DSN1: variants seen among roughly 807,000 people sequenced by gnomAD.
DSN1 encodes the protein DSN1 component of MIS12 kinetochore complex, also known as kinetochore-associated protein DSN1 homolog.
DSN1 carries 31 observed loss-of-function variants against 45.7 expected under a neutral mutation model. That is an observed-to-expected ratio of 0.68 (90% CI 0.51 to 0.92). The LOEUF is 0.92. DSN1 is among the 40% of genes least tolerant of loss of function. The pLI is 0.00. For missense variants in DSN1, 394 were observed against 414.2 expected (o/e 0.95, Z 0.42); for synonymous variants, 134 against 142.3 (o/e 0.94, Z 0.41).
chr20:36,762,787 C>T (rs540173909), intron 5 of DSN1, among the ~76,000 whole-genome samples: 8 of 152,012 alleles, frequency 5.3e-5, no homozygotes, highest in Admixed American at 2.6e-4. Flanking sequence ...ACTCTCGCTC[C>T]GTCACCTAGG....
intron 6 of DSN1, among the ~76,000 whole-genome samples, chr20:36,761,123 A>G (rs1986956741): frequency 6.6e-6 from 1 of 152,038 alleles, no homozygotes; most frequent in African/African-American, 2.4e-5. Flanking sequence ...AATATTCAAG[A>G]GCCATGTTCT....
chr20:36,753,635 C>CA (rs1290145844), intron 10 of DSN1, among the ~76,000 whole-genome samples: 1,371 of 49,128 alleles, frequency 0.028, 22 homozygotes, highest in African/African-American at 0.067. Context: ...GAGACTGTCT[C>CA]AAAAAAAAAA....
chr20:36,757,333 G>A (rs984603307), intron 8 of DSN1, among the ~76,000 whole-genome samples: 1 of 151,636 alleles, frequency 6.6e-6, no homozygotes, highest in Non-Finnish European at 1.5e-5. Context: ...TCCAGCCTGG[G>A]CGACAGAGCA....
intron 2 of DSN1, 66 bp from the exon 3 acceptor site, chr20:36,771,259 G>T: frequency 6.5e-7 from 1 of 1,537,274 alleles, no homozygotes; most frequent in South Asian, 1.3e-5. Context: ...GTGCAAAAAA[G>T]TGGAAAAAGT....
At chr20:36,756,746 C>A (rs1397540528) in intron 8 of DSN1, among the ~76,000 whole-genome samples, 1 of 152,180 alleles carries the variant, frequency 6.6e-6, no homozygotes, top group Non-Finnish European at 1.5e-5. Context: ...CAGTTAGAGT[C>A]TGAACAGACA....
chr20:36,763,781 G>T (rs1601015605), intron 5 of DSN1, among the ~76,000 whole-genome samples: 1 of 150,184 alleles, frequency 6.7e-6, no homozygotes, highest in African/African-American at 2.5e-5. Flanking sequence ...CAGCTACTCA[G>T]GAGGCTGAGG....
intron 6 of DSN1, among the ~76,000 whole-genome samples, chr20:36,762,168 G>A (rs1300377640): frequency 7.0e-6 from 1 of 142,304 alleles, no homozygotes; most frequent in African/African-American, 2.7e-5. Context: ...GTGCAGGGGC[G>A]CGATCTTGGC....
intron 5 of DSN1, among the ~76,000 whole-genome samples, chr20:36,765,781 G>A (rs1346327551): frequency 7.0e-6 from 1 of 141,888 alleles, no homozygotes; most frequent in African/African-American, 2.6e-5. Flanking sequence ...CTGGGCGACA[G>A]AGCGAGAGTC....
Position 36,766,841 on chromosome 20 carries a change from A to T in DSN1, c.430T>A (p.Phe144Ile). The change falls in exon 5 of 11, where the codon TTC (phenylalanine) becomes ATC (isoleucine). Residue 144 changes from phenylalanine (F) to isoleucine (I), a missense_variant and splice_region_variant. By Grantham distance (21) the Phe-to-Ile change is conservative. Transcript: ENST00000373750. ...AAAGGTTCAAGTTTCTGAATAGAGAACTAAATAAAGAAAAGCATTTTTAGT... is the reference window on the plus strand; with the variant it reads ...AAAGGTTCAAGTTTCTGAATAGAGATCTAAATAAAGAAAAGCATTTTTAGT... ...LGCLLLSSFQFSIQKLEPFLR... is the reference protein window; with the variant it reads ...LGCLLLSSFQISIQKLEPFLR... The T allele has an allele frequency of 6.3e-7, 1 of 1,594,672 alleles. No homozygotes were observed.
chr20:36,771,364 G>C, intron 2 of DSN1, 61 bp downstream of exon 2: 2 of 1,558,168 alleles, frequency 1.3e-6, no homozygotes, highest in Non-Finnish European at 1.8e-6. Flanking sequence ...GGAAAGATTT[G>C]GGTATAGCTC....
chr20:36,772,531 C>T (rs770024295), intron 1 of DSN1, among the ~76,000 whole-genome samples: 6 of 152,110 alleles, frequency 3.9e-5, no homozygotes, highest in Non-Finnish European at 7.4e-5. Flanking sequence ...TCAGGTGATC[C>T]GCCCGGCCTC....
intron 5 of DSN1, among the ~76,000 whole-genome samples, chr20:36,763,914 AAGAC>A (rs370258377): frequency 3.5e-4 from 47 of 134,044 alleles, no homozygotes; most frequent in Middle Eastern, 8.3e-3. Context: ...AAAAAAAAGA[AAGAC>A]AGAAAACCAA....
intron 6 of DSN1, among the ~76,000 whole-genome samples, chr20:36,762,011 A>AAAAT (rs1199584451): frequency 6.6e-6 from 1 of 152,102 alleles, no homozygotes; most frequent in Non-Finnish European, 1.5e-5. Flanking sequence ...TCCGAATCAA[A>AAAAT]AAATAAATAA....
chr20:36,760,035 G>A (rs1266268832), intron 6 of DSN1, among the ~76,000 whole-genome samples: 1 of 151,934 alleles, frequency 6.6e-6, no homozygotes, highest in East Asian at 1.9e-4. Flanking sequence ...CCTGAGGTCA[G>A]GAGTTGAAGA....
chr20:36,755,749 T>C lies in DSN1; in HGVS notation c.806A>G (p.Asn269Ser). The change falls in exon 9 of 11, where the codon AAT becomes AGT. Residue 269 changes from asparagine (N) to serine (S), a missense_variant. Physicochemically the swap from Asn to Ser is conservative, Grantham distance 46. Coordinates refer to ENST00000373750, the MANE Select transcript of DSN1 (RefSeq NM_001145315.2). ...YLGSSQNEVL[N>S]TKPDYQKILQ... ...TATTTTCTGGTAGTCAGGTTTTGTATTAAGAACTTCATTCTGAGAAGACCC... is the reference window on the plus strand; with the variant it reads ...TATTTTCTGGTAGTCAGGTTTTGTACTAAGAACTTCATTCTGAGAAGACCC... 10 of 1,614,130 alleles carry C rather than the reference T, an allele frequency of 6.2e-6. No homozygotes were observed. Among genetic ancestry groups the C allele is most frequent in the Non-Finnish European group, 7.6e-6 (9 of 1,180,006 alleles).
Position 36,758,549 on chromosome 20 carries a change from T to G in DSN1, c.650+9A>C. On this transcript the variant is annotated intron_variant, in intron 7 of 10. Coordinates refer to ENST00000373750, the MANE Select transcript of DSN1 (RefSeq NM_001145315.2). ...ACGAATTTAGATTTTCTAACAAAGGTTAACTTACTTTGTTATGTATTCCTT... is the reference window on the plus strand; with the variant it reads ...ACGAATTTAGATTTTCTAACAAAGGGTAACTTACTTTGTTATGTATTCCTT... 1 of 1,596,282 alleles carries G rather than the reference T, an allele frequency of 6.3e-7. No homozygotes were observed. Among genetic ancestry groups the G allele is most frequent in the South Asian group, 1.1e-5 (1 of 87,368 alleles).
chr20:36,754,916 C>T (rs1986593294), intron 9 of DSN1, 66 bp from the exon 10 acceptor site: 5 of 1,394,214 alleles, frequency 3.6e-6, no homozygotes, highest in Admixed American at 1.8e-5. Context: ...TCAAACCTGA[C>T]AAGCAAGCTC....
At chr20:36,771,270 A>C in intron 2 of DSN1, 77 bp from the exon 3 acceptor site, 1 of 1,508,554 alleles carries the variant, frequency 6.6e-7, no homozygotes, top group Non-Finnish European at 9.0e-7. Context: ...TGGAAAAAGT[A>C]AATGTATGCC....
chr20:36,765,330 C>T (rs919435185), intron 5 of DSN1, among the ~76,000 whole-genome samples: 3 of 141,622 alleles, frequency 2.1e-5, no homozygotes, highest in Non-Finnish European at 3.0e-5. Flanking sequence ...CCAAGGTGGG[C>T]GGATCACCTG....
Sources: allele counts gnomAD v4.1 joint callset (sites outside exome capture counted in the v4.1 genomes callset), GRCh38; gene constraint gnomAD v4.1.1; transcripts MANE v1.5; gene names NCBI Gene and HGNC (gene_info 2026-07-23, HGNC 2026-07-21).